MAPK10: variants seen among roughly 807,000 people sequenced by gnomAD.
MAPK10 encodes the protein mitogen-activated protein kinase 10, also known as JNK3 alpha protein kinase.
In MAPK10, 25 loss-of-function variants were observed where a neutral mutation model predicts 59.3. The ratio of observed to expected loss-of-function variants is 0.42; its 90% confidence interval spans 0.31 to 0.59. MAPK10 has a LOEUF of 0.59. Ranked by LOEUF, MAPK10 falls within the 20% of genes least tolerant of loss-of-function variation. The pLI is 0.15. For missense variants in MAPK10, 351 were observed against 568.9 expected, an observed-to-expected ratio of 0.62 and a Z score of 3.90; for synonymous variants, 190 against 200.5, an observed-to-expected ratio of 0.95 and a Z score of 0.44.
At chr4:86,532,424 C>T (rs887138633) in intron 1 of MAPK10, among the ~76,000 whole-genome samples, 2 of 152,240 alleles carry the variant, frequency 1.3e-5, no homozygotes, top group South Asian at 4.1e-4. Flanking sequence ...AACTTATTTG[C>T]CAATAACTGG....
At chr4:86,186,802 T>G (rs948617552) in intron 3 of MAPK10, among the ~76,000 whole-genome samples, 1 of 152,146 alleles carries the variant, frequency 6.6e-6, no homozygotes, top group Non-Finnish European at 1.5e-5. Flanking sequence ...AGAACTGTTT[T>G]AAAAATACTT....
At chr4:86,547,616 A>G (rs567580244) in intron 1 of MAPK10, among the ~76,000 whole-genome samples, 1 of 152,142 alleles carries the variant, frequency 6.6e-6, no homozygotes, top group Non-Finnish European at 1.5e-5. Flanking sequence ...AGTCCCATTG[A>G]CCACCCAAGG....
At chr4:86,135,137 T>G (rs1374329110) in intron 4 of MAPK10, among the ~76,000 whole-genome samples, 2 of 152,170 alleles carry the variant, frequency 1.3e-5, no homozygotes, top group East Asian at 3.9e-4. Flanking sequence ...CCAGGCTTGC[T>G]TAGGTAAACA....
chr4:86,500,295 G>A (rs562931897), intron 1 of MAPK10, among the ~76,000 whole-genome samples: 3 of 152,208 alleles, frequency 2.0e-5, no homozygotes, highest in South Asian at 2.1e-4. Context: ...ATTTGAAATC[G>A]GGTTGTGCTA....
intron 1 of MAPK10, among the ~76,000 whole-genome samples, chr4:86,566,313 T>C (rs901382410): frequency 6.6e-6 from 1 of 152,194 alleles, no homozygotes; most frequent in Admixed American, 6.5e-5. Context: ...AGTGGATCTA[T>C]GGAAAACAAA....
At chr4:86,553,509 C>T (rs1760018816) in intron 1 of MAPK10, among the ~76,000 whole-genome samples, 1 of 152,152 alleles carries the variant, frequency 6.6e-6, no homozygotes. Context: ...CCTTACATAG[C>T]CCCAGATTCC....
intron 1 of MAPK10, among the ~76,000 whole-genome samples, chr4:86,481,343 G>A (rs1320084917): frequency 6.6e-6 from 1 of 151,014 alleles, no homozygotes; most frequent in Admixed American, 6.6e-5. Flanking sequence ...GCACCAATCA[G>A]CATACTAAAG....
At chr4:86,433,756 C>T (rs1748358407) in intron 1 of MAPK10, among the ~76,000 whole-genome samples, 1 of 151,822 alleles carries the variant, frequency 6.6e-6, no homozygotes, top group African/African-American at 2.4e-5. Flanking sequence ...TGTGCCCAGT[C>T]CAAGGCTCTA....
At chr4:86,161,671 A>T (rs2069728292) in intron 3 of MAPK10, among the ~76,000 whole-genome samples, 1 of 152,100 alleles carries the variant, frequency 6.6e-6, no homozygotes, top group Non-Finnish European at 1.5e-5. Context: ...CTGACCACAC[A>T]CAAAATCTTT....
At chr4:86,362,019 T>G (rs1456303026), upstream of MAPK10, among the ~76,000 whole-genome samples, 1 of 152,062 alleles carries the variant, frequency 6.6e-6, no homozygotes, top group Admixed American at 6.6e-5. Flanking sequence ...TATTTCAAAA[T>G]AGCTAAAAGA....
Position 86,107,314 on chromosome 4 carries a change from A to G in MAPK10, c.275T>C (p.Ile92Thr). 1 of 1,613,270 alleles carries G rather than the reference A, an allele frequency of 6.2e-7. No homozygotes were observed. Among genetic ancestry groups the G allele is most frequent in the South Asian group, 1.1e-5 (1 of 91,048 alleles). Residue 92 changes from isoleucine (I) to threonine (T), a missense_variant, in exon 5 of 14, where the codon ATT becomes ACT. By Grantham distance (89) the Ile-to-Thr change is moderately conservative. Transcript: ENST00000641462. ...CTGAAAGGGTCTGCTGAGCTTCTTA[A>G]TGGCCACATTTCTGTCAAGGACAGC... Reference protein sequence around the residue: ...YDAVLDRNVAIKKLSRPFQNQ... With the variant: ...YDAVLDRNVATKKLSRPFQNQ...
At chr4:86,160,029 T>C (rs920928586) in intron 3 of MAPK10, among the ~76,000 whole-genome samples, 2 of 152,076 alleles carry the variant, frequency 1.3e-5, no homozygotes, top group South Asian at 2.1e-4. Context: ...ACAAATGCTA[T>C]TGTTCTGAAT....
intron 12 of MAPK10, among the ~76,000 whole-genome samples, chr4:86,029,741 T>G (rs2038502422): frequency 2.0e-5 from 3 of 152,142 alleles, no homozygotes; most frequent in Admixed American, 6.5e-5. Flanking sequence ...TATACTTATT[T>G]CCTATGAAAT....
intron 1 of MAPK10, among the ~76,000 whole-genome samples, chr4:86,444,311 T>G (rs1297249320): frequency 6.6e-6 from 1 of 151,820 alleles, no homozygotes; most frequent in Non-Finnish European, 1.5e-5. Context: ...AAAGAAAAAT[T>G]TTGAAAGAAG....
chr4:86,468,263 A>C (rs1752377832), intron 1 of MAPK10, among the ~76,000 whole-genome samples: 1 of 151,784 alleles, frequency 6.6e-6, no homozygotes. Flanking sequence ...TTTTTTGCCT[A>C]CCTCTTGAGA....
At chr4:86,576,276 G>A (rs1761880492) in intron 1 of MAPK10, among the ~76,000 whole-genome samples, 1 of 152,050 alleles carries the variant, frequency 6.6e-6, no homozygotes, top group Non-Finnish European at 1.5e-5. Context: ...CAGAAAATGA[G>A]GGGGGAAGAC....
rs11386733 is a variant in MAPK10 at position 86,546,556 on chromosome 4, TA to T, written c.-263+47353del. Among the ~76,000 whole-genome samples, 633 of 136,938 alleles carry T rather than the reference TA, an allele frequency of 4.6e-3. 4 individuals carry two copies. Among genetic ancestry groups the T allele is most frequent in the Non-Finnish European group, 7.0e-3 (447 of 64,042 alleles). 89.8% of individuals were successfully genotyped at this position (136,938 alleles called of 152,430 possible). ...TGGGGGACAAGAGCGAAACTCCTTC[TA>T]AAAAAAAAAAAAAAAGAAGAAAGAA... On this transcript the variant is annotated intron_variant, in intron 1 of 4. Coordinates refer to the MAPK10 transcript ENST00000502302.
At chr4:86,510,027 A>T (rs1756099060) in intron 1 of MAPK10, among the ~76,000 whole-genome samples, 1 of 152,206 alleles carries the variant, frequency 6.6e-6, no homozygotes, top group African/African-American at 2.4e-5. Flanking sequence ...TCAGATAAAT[A>T]AGCAATCATA....
At chr4:86,533,249 G>T (rs551927661) in intron 1 of MAPK10, among the ~76,000 whole-genome samples, 6 of 152,136 alleles carry the variant, frequency 3.9e-5, no homozygotes, top group Non-Finnish European at 8.8e-5. Context: ...GGGGTAAAAG[G>T]GGGGGAAAAT....
Sources: allele counts gnomAD v4.1 joint callset (sites outside exome capture counted in the v4.1 genomes callset), GRCh38; gene constraint gnomAD v4.1.1; transcripts MANE v1.5; gene names NCBI Gene and HGNC (gene_info 2026-07-23, HGNC 2026-07-21).